SERPINE3: variants seen among roughly 807,000 people sequenced by gnomAD.
SERPINE3 encodes the protein serpin family E member 3.
Under a neutral mutation model 41.7 loss-of-function variants are expected in SERPINE3, and 43 were observed. That is an observed-to-expected ratio of 1.03 (90% CI 0.81 to 1.33). The LOEUF (loss-of-function observed/expected upper bound fraction) is 1.33. SERPINE3 is among the 40% of genes most tolerant of loss of function. The pLI is 0.00. For synonymous variants in SERPINE3, 200 were observed against 192.2 expected (o/e 1.04, Z -0.34); for missense variants, 440 against 491.7 (o/e 0.89, Z 0.99).
intron 7 of SERPINE3, among the ~76,000 whole-genome samples, 191 bp from the exon 8 acceptor site, chr13:51,361,087 T>C (rs754507162): frequency 3.3e-5 from 5 of 152,014 alleles, no homozygotes; most frequent in Non-Finnish European, 7.4e-5. Flanking sequence ...TATTGAGTCT[T>C]AAGAATTTTC....
rs1286267098 is a variant in SERPINE3, at chr13:51,348,403, C to T, written c.891C>T (p.Phe297=). Residue 297 remains phenylalanine, a synonymous_variant, in exon 6 of 10, where the codon TTC becomes TTT. Coordinates refer to ENST00000681248, the MANE Select transcript of SERPINE3 (RefSeq NM_001386375.1). ...TGAGGAGAGCCAGGATGGATGTGTTCCTGCCCAGGTGAGCAGCTGAGTCCC... is the reference window on the plus strand; with the variant it reads ...TGAGGAGAGCCAGGATGGATGTGTTTCTGCCCAGGTGAGCAGCTGAGTCCC... ...TSLRRARMDV[F]LPRFRIQNQF... is the part of the protein sequence containing the mutation. 1 of 1,613,200 alleles carries T rather than the reference C, an allele frequency of 6.2e-7. No individual in the cohort carries two copies. The highest frequency in any genetic ancestry group is 1.3e-5 in the African/African-American group (1 of 74,906).
At chr13:51,356,412 T>C (rs1305556028) in intron 7 of SERPINE3, among the ~76,000 whole-genome samples, 1 of 152,200 alleles carries the variant, frequency 6.6e-6, no homozygotes, top group Non-Finnish European at 1.5e-5. Flanking sequence ...TGTTTGATAA[T>C]GTGCAAAATC....
At chr13:51,353,002 T>C (rs1955422711) in intron 6 of SERPINE3, among the ~76,000 whole-genome samples, 1 of 152,228 alleles carries the variant, frequency 6.6e-6, no homozygotes, top group Non-Finnish European at 1.5e-5. Flanking sequence ...TTTGCTAGTA[T>C]TTTGTTGAAG....
intron 6 of SERPINE3, among the ~76,000 whole-genome samples, chr13:51,353,914 T>C (rs1271985815): frequency 6.6e-6 from 1 of 152,168 alleles, no homozygotes; most frequent in African/African-American, 2.4e-5. Flanking sequence ...AGCAGCCCTT[T>C]TAAAGTATCC....
intron 3 of SERPINE3, 40 bp downstream of exon 3, chr13:51,341,387 G>A (rs1170032085): frequency 6.5e-7 from 1 of 1,533,404 alleles, no homozygotes; most frequent in Non-Finnish European, 8.8e-7. Flanking sequence ...TTACCCTCCT[G>A]TTCACACTCA....
At chr13:51,350,605 T>C (rs1421611223) in intron 6 of SERPINE3, among the ~76,000 whole-genome samples, 1 of 152,200 alleles carries the variant, frequency 6.6e-6, no homozygotes, top group Non-Finnish European at 1.5e-5. Flanking sequence ...GTGTGGTTTA[T>C]GCTTTTCTAG....
chr13:51,340,129 G>C (rs545739809), intron 1 of SERPINE3, among the ~76,000 whole-genome samples: 1 of 152,308 alleles, frequency 6.6e-6, no homozygotes, highest in East Asian at 1.9e-4. Flanking sequence ...GAGTGTGAGC[G>C]TGAGTAGCAG....
chr13:51,361,144 ACT>A, intron 7 of SERPINE3, 132 bp from the exon 8 acceptor site: 2 of 552,452 alleles, frequency 3.6e-6, no homozygotes, highest in Non-Finnish European at 6.4e-6. Context: ...AGAATTTTCC[ACT>A]CTTTCCCTAG....
At chr13:51,344,551 T>A in intron 4 of SERPINE3, 66 bp downstream of exon 4, 1 of 1,330,808 alleles carries the variant, frequency 7.5e-7, no homozygotes, top group Middle Eastern at 1.8e-4. Context: ...GTCTCACCCA[T>A]CACTTGTCAG....
At chr13:51,349,446 A>G (rs372855327) in intron 6 of SERPINE3, among the ~76,000 whole-genome samples, 9 of 152,224 alleles carry the variant, frequency 5.9e-5, no homozygotes, top group African/African-American at 2.2e-4. Flanking sequence ...ATATTTCAAC[A>G]GATCTCTCAG....
intron 6 of SERPINE3, among the ~76,000 whole-genome samples, chr13:51,352,480 T>G (rs1955414726): frequency 6.6e-6 from 1 of 152,026 alleles, no homozygotes; most frequent in Non-Finnish European, 1.5e-5. Context: ...GGTTTTTTTT[T>G]GTGTGTGTGG....
At chr13:51,362,040 T>C (rs1244507608) in intron 9 of SERPINE3, 147 bp downstream of exon 9, 2 of 1,589,820 alleles carry the variant, frequency 1.3e-6, no homozygotes, top group Non-Finnish European at 1.7e-6. Flanking sequence ...TGCTATCTTC[T>C]ATCCTAAGAA....
intron 6 of SERPINE3, 90 bp from the exon 7 acceptor site, chr13:51,354,953 C>A: frequency 1.5e-6 from 1 of 672,624 alleles, no homozygotes; most frequent in Non-Finnish European, 2.6e-6. Flanking sequence ...AGCCTGACTT[C>A]CAAGTTAGGG....
At chr13:51,346,177 A>G (rs1955343873) in intron 4 of SERPINE3, among the ~76,000 whole-genome samples, 1 of 152,238 alleles carries the variant, frequency 6.6e-6, no homozygotes, top group South Asian at 2.1e-4. Context: ...AGCTGGGACA[A>G]AAACTATCCC....
chr13:51,353,490 C>T (rs1233507498), intron 6 of SERPINE3, among the ~76,000 whole-genome samples: 2 of 152,166 alleles, frequency 1.3e-5, no homozygotes, highest in African/African-American at 4.8e-5. Flanking sequence ...GGTAAAGTAA[C>T]TAGTTTGCAG....
chr13:51,341,497 G>A, intron 3 of SERPINE3, 150 bp downstream of exon 3: 2 of 802,938 alleles, frequency 2.5e-6, no homozygotes, highest in Non-Finnish European at 1.9e-6. Flanking sequence ...TCACCCTGCT[G>A]CTCAGGCTAC....
intron 3 of SERPINE3, 27 bp downstream of exon 3, chr13:51,341,374 CACTT>C (rs1230653196): frequency 7.7e-6 from 12 of 1,553,814 alleles, no homozygotes; most frequent in South Asian, 3.6e-5. Context: ...CGTGCACACT[CACTT>C]ACCCTCCTGT....
rs986890426 is a variant in SERPINE3, at chr13:51,340,746, C to A, written c.-95-38C>A. The stretch of plus-strand genomic sequence containing the variant: ...ATGAGTAGGATTACCTCTTACATTT[C>A]TTTTCCCAACATAATGCTTTGCTTC... On this transcript the variant is annotated intron_variant, in intron 1 of 9. Transcript: ENST00000681248. 3 of 334,314 alleles carry A rather than the reference C, an allele frequency of 9.0e-6. No individual in the cohort carries two copies. The Admixed American group carries it at 1.4e-4, about 15-fold the overall frequency. 20.7% of individuals were successfully genotyped at this position (334,314 alleles called of 1,614,324 possible).
chr13:51,342,256 G>A (rs1955300562), intron 3 of SERPINE3, among the ~76,000 whole-genome samples: 1 of 151,206 alleles, frequency 6.6e-6, no homozygotes, highest in Admixed American at 6.6e-5. Flanking sequence ...AGCTGTCCTA[G>A]GCAGGGTCAT....
Sources: allele counts gnomAD v4.1 joint callset (sites outside exome capture counted in the v4.1 genomes callset), GRCh38; gene constraint gnomAD v4.1.1; transcripts MANE v1.5; gene names NCBI Gene and HGNC (gene_info 2026-07-23, HGNC 2026-07-21).